The following CARF variants were observed in gnomAD, a reference collection of about 807,000 sequenced individuals.
CARF encodes the protein calcium-responsive transcription factor.
A neutral mutation model predicts 82.0 loss-of-function variants in CARF; 57 were observed. The ratio of observed to expected loss-of-function variants is 0.70; its 90% CI spans 0.56 to 0.87. The LOEUF is 0.87. Among genes scored for constraint, CARF ranks in the 40% least tolerant of loss-of-function variants. CARF has a pLI of 0.00. For missense variants in CARF, 771 were observed against 855.8 expected, an observed-to-expected ratio of 0.90 and a Z score of 1.24; for synonymous variants, 268 against 290.1, an observed-to-expected ratio of 0.92 and a Z score of 0.77.
chr2:202,922,008 T>C (rs1690918320), intron 2 of CARF, among the ~76,000 whole-genome samples: 1 of 151,760 alleles, frequency 6.6e-6, no homozygotes, highest in Non-Finnish European at 1.5e-5. Flanking sequence ...TTTTTTTTTT[T>C]CAATAGAGAC....
chr2:202,975,002 A>G (rs989572764), intron 13 of CARF, among the ~76,000 whole-genome samples: 3 of 152,050 alleles, frequency 2.0e-5, no homozygotes, highest in Admixed American at 2.0e-4. Flanking sequence ...AAAATCAGTG[A>G]ATTCCCAACT....
At chr2:202,952,946 T>C (rs1046489033) in intron 6 of CARF, among the ~76,000 whole-genome samples, 2 of 152,142 alleles carry the variant, frequency 1.3e-5, no homozygotes, top group African/African-American at 4.8e-5. Context: ...AATAAATTAT[T>C]ATTAATGATA....
At chr2:202,918,340 G>A (rs1479057135) in intron 2 of CARF, among the ~76,000 whole-genome samples, 1 of 152,118 alleles carries the variant, frequency 6.6e-6, no homozygotes, top group Non-Finnish European at 1.5e-5. Context: ...CTAACACGGT[G>A]AAACCCCGTC....
intron 2 of CARF, among the ~76,000 whole-genome samples, chr2:202,923,085 T>C (rs541235815): frequency 6.6e-6 from 1 of 151,220 alleles, no homozygotes; most frequent in African/African-American, 2.4e-5. Context: ...CTACTAAAAA[T>C]ACAAAATTAG....
At chr2:202,934,189 G>A (rs1693498054) in intron 3 of CARF, among the ~76,000 whole-genome samples, 3 of 151,984 alleles carry the variant, frequency 2.0e-5, no homozygotes, top group Admixed American at 2.0e-4. Context: ...AATTTCCCTT[G>A]AAATTTTATA....
At chr2:202,971,838 C>T (rs2059802389) in intron 12 of CARF, 100 bp downstream of exon 12, 1 of 704,666 alleles carries the variant, frequency 1.4e-6, no homozygotes, top group African/African-American at 1.8e-5. Context: ...TATATGCTAT[C>T]AGGGTAGATA....
chr2:202,969,801 T>C lies in CARF; in HGVS notation c.954-118T>C, dbSNP rs2105909255. 6.8e-6 allele frequency: 4 copies of C among 591,062 alleles called. No homozygotes were observed. In the East Asian group the frequency reaches 1.4e-4, roughly 21 times the overall value. The allele number at this position is 591,062 out of a possible 1,614,324, so 36.6% of individuals were successfully genotyped here. A position where few individuals can be genotyped will look rare whatever the true frequency, so the allele number is the denominator to read the frequency against. On this transcript the variant is annotated intron_variant, in intron 10 of 16. Transcript: ENST00000438828. ...ATTTTACATAAGCCTCTGAATACTTTACAGATAAATTGAATTTTCTCTAAG... is the reference window on the plus strand; with the variant it reads ...ATTTTACATAAGCCTCTGAATACTTCACAGATAAATTGAATTTTCTCTAAG...
intron 14 of CARF, among the ~76,000 whole-genome samples, chr2:202,980,037 A>G (rs2060184790): frequency 6.6e-6 from 1 of 152,110 alleles, no homozygotes; most frequent in Non-Finnish European, 1.5e-5. Context: ...GGCTCATTGT[A>G]TCCTCTGCCT....
Position 202,977,316 on chromosome 2 carries a change from A to G in CARF, c.1542A>G (p.Thr514=), listed in dbSNP as rs1297610644. The change falls in exon 14 of 17, where the codon ACA becomes ACG. Residue 514 remains threonine (T), a synonymous_variant. Coordinates refer to ENST00000438828, the MANE Select transcript of CARF (RefSeq NM_024744.17). The part of the protein sequence containing the change: ...DSGNILKETM[T]VTFAEGNSPG... ...GGAATATTCTCAAAGAGACCATGAC[A>G]GTTACATTTGCAGAAGGTAGGTTTT... The G allele has an allele frequency of 9.3e-6, 15 of 1,612,060 alleles. No homozygotes were observed. Among genetic ancestry groups the G allele is most frequent in the Non-Finnish European group, 1.3e-5 (15 of 1,178,648 alleles).
At chr2:202,981,800 ATG>A in intron 15 of CARF, 115 bp downstream of exon 15, 1 of 1,034,802 alleles carries the variant, frequency 9.7e-7, no homozygotes, top group Non-Finnish European at 1.4e-6. Context: ...ATGATGAAAT[ATG>A]TTTTCATTGT....
At chr2:202,969,020 T>G (rs918900363) in intron 10 of CARF, among the ~76,000 whole-genome samples, 1 of 152,182 alleles carries the variant, frequency 6.6e-6, no homozygotes, top group African/African-American at 2.4e-5. Context: ...CCAGGTGTGG[T>G]GGCTCACGCC....
At chr2:202,982,584 G>C in intron 16 of CARF, 143 bp downstream of exon 16, 1 of 824,168 alleles carries the variant, frequency 1.2e-6, no homozygotes, top group Non-Finnish European at 1.8e-6. Flanking sequence ...GAGAGAAGGA[G>C]GAGATTTCAT....
At chr2:202,934,098 A>G (rs1236660867) in intron 3 of CARF, among the ~76,000 whole-genome samples, 2 of 152,162 alleles carry the variant, frequency 1.3e-5, no homozygotes, top group Non-Finnish European at 2.9e-5. Flanking sequence ...AAAGTTTATG[A>G]ATTTGCGTTG....
At chr2:202,930,244 C>T (rs1232568667) in intron 3 of CARF, among the ~76,000 whole-genome samples, 1 of 152,178 alleles carries the variant, frequency 6.6e-6, no homozygotes, top group East Asian at 1.9e-4. Context: ...CACAGGGTTT[C>T]ACCATGTTGG....
chr2:202,971,535 T>C lies in CARF; in HGVS notation c.1128T>C (p.Ala376=). The change falls in exon 12 of 17, where the codon GCT becomes GCC. Residue 376 remains alanine, a synonymous_variant. Transcript: ENST00000438828. ...ATGTACAGTTACCTACACAGCAAGC[T>C]CATCAGTATCATGAATTAGAGACTC... ...RWYVQLPTQQ[A]HQYHELETPC... is the part of the protein sequence containing the mutation. 6.2e-7 allele frequency: 1 copy of C among 1,613,204 alleles called. No homozygotes were observed. Among genetic ancestry groups the C allele is most frequent in the East Asian group, 2.2e-5 (1 of 44,772 alleles).
intron 5 of CARF, among the ~76,000 whole-genome samples, chr2:202,951,895 C>G (rs959661865): frequency 6.6e-6 from 1 of 150,994 alleles, no homozygotes; most frequent in East Asian, 2.0e-4. Flanking sequence ...TATAGTGGCG[C>G]GATCTCGGCT....
chr2:202,957,972 T>A (rs1408331419), intron 8 of CARF, among the ~76,000 whole-genome samples: 1 of 152,022 alleles, frequency 6.6e-6, no homozygotes, highest in Non-Finnish European at 1.5e-5. Flanking sequence ...ATAAAATTAT[T>A]TACTAGCGTG....
At chr2:202,969,153 C>T (rs1036274669) in intron 10 of CARF, among the ~76,000 whole-genome samples, 1 of 152,066 alleles carries the variant, frequency 6.6e-6, no homozygotes, top group Non-Finnish European at 1.5e-5. Context: ...ATTAGCCAGG[C>T]ATAGTGACAC....
chr2:202,925,408 G>T, intron 3 of CARF: 1 of 293,252 alleles, frequency 3.4e-6, no homozygotes, highest in East Asian at 9.2e-5. Context: ...CGATTTAAAT[G>T]GCATCCTTGC....
Sources: allele counts gnomAD v4.1 joint callset (sites outside exome capture counted in the v4.1 genomes callset), GRCh38; gene constraint gnomAD v4.1.1; transcripts MANE v1.5; gene names NCBI Gene and HGNC (gene_info 2026-07-23, HGNC 2026-07-21).